The following DPF1 variants were observed in gnomAD, a reference collection of about 807,000 sequenced individuals.
DPF1 encodes double PHD fingers 1, also known as zinc finger protein neuro-d4.
A neutral mutation model predicts 58.7 loss-of-function variants in DPF1; 14 were observed. The observed-to-expected ratio is 0.24, with a 90% CI of 0.16 to 0.37. The LOEUF is 0.37. Among genes scored for constraint, DPF1 ranks in the 10% least tolerant of loss-of-function variants. The pLI, the probability that DPF1 is intolerant of heterozygous loss-of-function variation, is 1.00. For synonymous variants in DPF1, 216 were observed against 216.0 expected, an observed-to-expected ratio of 1.00 and a Z score of 0.00; for missense variants, 345 against 529.9, an observed-to-expected ratio of 0.65 and a Z score of 3.43.
chr19:38,213,573 G>T, intron 10 of DPF1, 71 bp downstream of exon 10: 1 of 1,375,200 alleles, frequency 7.3e-7, no homozygotes, highest in African/African-American at 1.4e-5. Context: ...CAGGCTTTAG[G>T]CTTAAGGGGC....
At chr19:38,223,901 GC>G (rs1364315973) in intron 1 of DPF1, 1 of 497,398 alleles carries the variant, frequency 2.0e-6, no homozygotes, top group Non-Finnish European at 3.2e-6. Context: ...GAATCTGGAG[GC>G]CCCCCACGCC....
intron 7 of DPF1, 26 bp from the exon 8 acceptor site, chr19:38,216,429 G>A (rs1387452919): frequency 1.3e-6 from 2 of 1,558,618 alleles, no homozygotes; most frequent in East Asian, 4.5e-5. Context: ...CAGAGAGAGG[G>A]ACTCTCACCA....
chr19:38,216,034 C>A, intron 9 of DPF1, 106 bp downstream of exon 9: 1 of 1,496,444 alleles, frequency 6.7e-7, no homozygotes, highest in Non-Finnish European at 8.9e-7. Context: ...CCCCTACATG[C>A]TCCGGGTCCC....
chr19:38,212,406 AC>A, intron 10 of DPF1, 45 bp from the exon 11 acceptor site: 2 of 569,560 alleles, frequency 3.5e-6, no homozygotes, highest in Non-Finnish European at 5.8e-6. Context: ...GGGCACGGGC[AC>A]CAGAAACGGG....
chr19:38,219,268 A>G, intron 3 of DPF1: 1 of 642,670 alleles, frequency 1.6e-6, no homozygotes, highest in Non-Finnish European at 2.6e-6. Context: ...AGACACGGTC[A>G]GAACTTTGGA....
At chr19:38,226,362 T>C (rs1967819283), upstream of DPF1, among the ~76,000 whole-genome samples, 1 of 147,484 alleles carries the variant, frequency 6.8e-6, no homozygotes, top group Non-Finnish European at 1.5e-5. Context: ...GCTGCTGTAA[T>C]TAACACGCCC....
intron 7 of DPF1, among the ~76,000 whole-genome samples, chr19:38,216,903 G>A (rs1967060902): frequency 6.6e-6 from 1 of 152,178 alleles, no homozygotes; most frequent in Admixed American, 6.5e-5. Flanking sequence ...GAGTACCCCA[G>A]CCAAGATCTG....
intron 3 of DPF1, among the ~76,000 whole-genome samples, chr19:38,221,920 A>G (rs775691818): frequency 1.3e-4 from 20 of 152,184 alleles, no homozygotes; most frequent in South Asian, 2.1e-4. Context: ...CGTTTCTACT[A>G]AAAATACAAA....
chr19:38,219,074 TG>T lies in DPF1; in HGVS notation c.299-17del, dbSNP rs754640668. On this transcript the variant is annotated splice_polypyrimidine_tract_variant and intron_variant, in intron 3 of 11. Transcript: ENST00000355526. ...GCTTCACAGTCTGGGGACAGGGCCA[TG>T]GGGGGGTCAGATGGGGAAGTTGACC... The T allele has an allele frequency of 6.2e-6, 10 of 1,612,640 alleles. No individual in the cohort carries two copies. Among genetic ancestry groups the T allele is most frequent in the East Asian group, 2.2e-5 (1 of 44,830 alleles).
rs1431189873 is a variant in DPF1 at position 38,211,752 on chromosome 19, C to T, written c.*311G>A. Reference sequence around the variant, plus strand: ...CTTTTTCTTTAGAAAAAGGCTCTGTCCATGCCCCTGGCTGGCACCCACCAC... The same window carrying T: ...CTTTTTCTTTAGAAAAAGGCTCTGTTCATGCCCCTGGCTGGCACCCACCAC... On this transcript the variant is annotated 3_prime_UTR_variant, in exon 12 of 12. Transcript: ENST00000355526. This position sits in a 1 kb window ranked among gnomAD's most constrained non-coding sequence, Gnocchi z 4.0. 2.4e-6 allele frequency: 1 copy of T among 421,088 alleles called. No homozygotes were observed. The allele number at this position is 421,088 out of a possible 1,614,324, so 26.1% of individuals were successfully genotyped here.
At position 38,222,467 on chromosome 19, in the gene DPF1, G is replaced by A. The variant is rs754555211; in HGVS notation, c.191-3C>T. 2 of 1,582,880 alleles carry A rather than the reference G, an allele frequency of 1.3e-6. No individual in the cohort carries two copies. The highest frequency in any genetic ancestry group is 1.4e-5 in the African/African-American group (1 of 71,644). ...GTAAATCTGTCCCGGGGCCAAACCTGGAGAGAGAGGGGGGTGAGAGGGCGG... is the reference window on the plus strand; with the variant it reads ...GTAAATCTGTCCCGGGGCCAAACCTAGAGAGAGAGGGGGGTGAGAGGGCGG... On this transcript the variant is annotated splice_polypyrimidine_tract_variant and splice_region_variant and intron_variant, in intron 2 of 11. Coordinates refer to ENST00000355526, the MANE Select transcript of DPF1 (RefSeq NM_001135155.3). The surrounding 1 kb of genome is among the most constrained non-coding windows in gnomAD (Gnocchi z 4.9).
Position 38,216,214 on chromosome 19 carries a change from T to A in DPF1, c.824A>T (p.Asp275Val). 1 of 1,614,088 alleles carries A rather than the reference T, an allele frequency of 6.2e-7. No homozygotes were observed. Among genetic ancestry groups the A allele is most frequent in the Non-Finnish European group, 8.5e-7 (1 of 1,180,000 alleles). Residue 275 changes from aspartate (D) to valine (V), a missense_variant, in exon 9 of 12, where the codon GAC becomes GTC. Transcript: ENST00000355526. Reference protein sequence around the residue: ...DGTVIPNGYCDFCLGGSKKTG... With the variant: ...DGTVIPNGYCVFCLGGSKKTG... ...CTTCTTGGAGCCCCCCAGGCAGAAG[T>A]CACAGTAGCCGTTGGGGATGACAGT...
chr19:38,216,656 G>A, intron 7 of DPF1: 1 of 400,282 alleles, frequency 2.5e-6, no homozygotes, highest in Non-Finnish European at 4.3e-6. Context: ...TCCAACTCCT[G>A]GCCTCCAGTG....
chr19:38,212,035 C>G lies in DPF1; in HGVS notation c.*28G>C. ...CGGAGAGGCAGGTAGGCGAGCACCA[C>G]CCCAGAGTCGCGGCGAGCCGAGCCG... On this transcript the variant is annotated 3_prime_UTR_variant, in exon 12 of 12. Coordinates refer to ENST00000355526, the MANE Select transcript of DPF1 (RefSeq NM_001135155.3). The G allele has an allele frequency of 6.2e-7, 1 of 1,601,564 alleles. No individual in the cohort carries two copies. The highest frequency in any genetic ancestry group is 8.5e-7 in the Non-Finnish European group (1 of 1,176,174).
chr19:38,225,199 G>A (rs1260682233), upstream of DPF1, among the ~76,000 whole-genome samples: 4 of 152,014 alleles, frequency 2.6e-5, no homozygotes, highest in African/African-American at 7.2e-5. Context: ...AGCTGAGATC[G>A]TGCCATTGCA....
upstream of DPF1, chr19:38,224,321 A>AG (rs1285923619): frequency 4.0e-6 from 5 of 1,248,202 alleles, no homozygotes; most frequent in Non-Finnish European, 4.0e-6. This position sits in a 1 kb window ranked among gnomAD's most constrained non-coding sequence, Gnocchi z 4.5. Context: ...GTCCCAGGCC[A>AG]GGGGGCCCCC....
chr19:38,212,238 T>TTA, intron 11 of DPF1, 42 bp downstream of exon 11: 1 of 585,190 alleles, frequency 1.7e-6, no homozygotes, highest in Non-Finnish European at 3.0e-6. Flanking sequence ...GAGATGGCGT[T>TTA]CCCACCCACC....
At chr19:38,220,985 A>C (rs541483128) in intron 3 of DPF1, among the ~76,000 whole-genome samples, 86 of 152,324 alleles carry the variant, frequency 5.6e-4, no homozygotes, top group Middle Eastern at 3.4e-3. Flanking sequence ...CACCATCAGG[A>C]AGATTCTCCC....
Position 38,224,013 on chromosome 19 carries a change from C to A in DPF1, c.29+101G>T. The stretch of plus-strand genomic sequence containing the variant: ...GCGCAGCCCCGCACTCGGTGACAGC[C>A]CCCCAGACACCCCTTCGGCCCCACC... On this transcript the variant is annotated intron_variant, in intron 1 of 11. Coordinates refer to ENST00000355526, the MANE Select transcript of DPF1 (RefSeq NM_001135155.3). The surrounding 1 kb of genome is among the most constrained non-coding windows in gnomAD (Gnocchi z 4.5). 7.3e-7 allele frequency: 1 copy of A among 1,362,368 alleles called. No homozygotes were observed. Among genetic ancestry groups the A allele is most frequent in the African/African-American group, 1.5e-5 (1 of 65,708 alleles). 84.4% of individuals were successfully genotyped at this position (1,362,368 alleles called of 1,614,324 possible). A position where few individuals can be genotyped will look rare whatever the true frequency, so the allele number is the denominator to read the frequency against.
Sources: gnomAD v4.1 joint callset for allele counts (sites outside exome capture counted in the v4.1 genomes callset) on GRCh38, gnomAD v4.1.1 for gene constraint, Gnocchi (gnomAD v3.1) non-coding constraint, MANE v1.5 for transcripts, NCBI Gene and HGNC (gene_info 2026-07-23, HGNC 2026-07-21) for gene names.